Variants in MUC4 observed in about 807,000 individuals in gnomAD.
MUC4 encodes mucin 4, cell surface associated, also known as mucin-4.
Under a neutral mutation model 257.9 loss-of-function variants are expected in MUC4, and 202 were observed. That is an observed-to-expected ratio of 0.78 (90% CI 0.70 to 0.88). The LOEUF (loss-of-function observed/expected upper bound fraction) is 0.88, where lower values mean the gene tolerates loss of function less well. Among genes scored for constraint, MUC4 ranks in the 40% least tolerant of loss-of-function variants. The pLI is 0.00. For missense variants in MUC4, 5,976 were observed against 6,513.7 expected (o/e 0.92, Z 2.84); for synonymous variants, 2,351 against 2,757.1 (o/e 0.85, Z 4.62).
chr3:195,811,605 C>T, intron 1 of MUC4, 131 bp downstream of exon 1: 2 of 729,840 alleles, frequency 2.7e-6, no homozygotes, highest in Non-Finnish European at 4.5e-6. Flanking sequence ...CCTTCTCTTC[C>T]TCTTCGCTGT....
At chr3:195,809,394 C>T (rs1397996538) in intron 1 of MUC4, among the ~76,000 whole-genome samples, 1 of 152,186 alleles carries the variant, frequency 6.6e-6, no homozygotes, top group Non-Finnish European at 1.5e-5. Flanking sequence ...TGGCTGGCTG[C>T]CAGTCCTCCA....
At chr3:195,753,492 G>A in intron 19 of MUC4, 3 of 512,974 alleles carry the variant, frequency 5.8e-6, no homozygotes, top group Non-Finnish European at 3.4e-6. Context: ...GACCCCGAAG[G>A]CTGGCAGAGG....
At position 195,790,468 on chromosome 3, in the gene MUC4, G is replaced by C. The variant is rs764253111; in HGVS notation, c.1112C>G (p.Pro371Arg). 1 of 1,613,880 alleles carries C rather than the reference G, an allele frequency of 6.2e-7. No individual in the cohort carries two copies. The highest frequency in any genetic ancestry group is 2.2e-5 in the East Asian group (1 of 44,900). ...PSGTVSQETF[P>R]SGETTTSSPS... is the part of the protein sequence containing the mutation. The stretch of plus-strand genomic sequence containing the variant: ...GGATGAGGTGGTTGTTTCACCAGAA[G>C]GGAATGTCTCCTGAGAAACTGTTCC... Residue 371 changes from proline to arginine, a missense_variant, in exon 2 of 25, where the codon CCT (proline) becomes CGT (arginine). Pro to Arg is a moderately radical substitution (Grantham distance 103). Transcript: ENST00000463781.
chr3:195,755,203 T>C lies in MUC4; in HGVS notation c.15169-831A>G, dbSNP rs1171404510. Among the ~76,000 whole-genome samples, 3 of 144,130 alleles carry C rather than the reference T, an allele frequency of 2.1e-5. No individual in the cohort carries two copies. The highest frequency in any genetic ancestry group is 7.6e-5 in the African/African-American group (3 of 39,480). The allele number at this position is 144,130 out of a possible 152,430, so 94.6% of individuals were successfully genotyped here. A position where few individuals can be genotyped will look rare whatever the true frequency, so the allele number is the denominator to read the frequency against. ...ACTAATTTTTGTATTTTTCTTCTGC[T>C]TTTTTTTTTAATGAGACAGTCTCGT... On this transcript the variant is annotated intron_variant, in intron 18 of 24. Coordinates refer to ENST00000463781, the MANE Select transcript of MUC4 (RefSeq NM_018406.7). The surrounding 1 kb of genome is among the most constrained non-coding windows in gnomAD (Gnocchi z 5.0).
rs1490032144 is a variant in MUC4, at chr3:195,762,980, C to T, written c.14254-35G>A. The T allele has an allele frequency of 8.8e-6, 13 of 1,480,974 alleles. No homozygotes were observed. The Admixed American group carries it at 9.9e-5, about 11-fold the overall frequency. The allele number at this position is 1,480,974 out of a possible 1,614,324, so 91.7% of individuals were successfully genotyped here. A position where few individuals can be genotyped will look rare whatever the true frequency, so the allele number is the denominator to read the frequency against. The stretch of plus-strand genomic sequence containing the variant: ...GATGGGAGGGGGCCTGAGCCCGACC[C>T]GCAGGTGGAGCCGACGCCCAGGAAA... On this transcript the variant is annotated intron_variant, in intron 12 of 24. Coordinates refer to ENST00000463781, the MANE Select transcript of MUC4 (RefSeq NM_018406.7).
At chr3:195,775,940 C>A (rs1724544496) in intron 3 of MUC4, among the ~76,000 whole-genome samples, 3 of 86,870 alleles carry the variant, frequency 3.5e-5, no homozygotes, top group East Asian at 4.7e-4. Flanking sequence ...CACAGTCATA[C>A]CTTCCACACC....
rs1717087517 is a variant in MUC4 at position 195,754,343 on chromosome 3, G to T, written c.15198C>A (p.Thr5066=). The change falls in exon 19 of 25, where the codon ACC becomes ACA. Residue 5066 remains threonine, a synonymous_variant. Transcript: ENST00000463781. ...EVAGCKCDGG[T]FGRYCEGSED... is the part of the protein sequence containing the mutation. Reference sequence around the variant, plus strand: ...CGGAGCCCTCGCAGTAGCGGCCGAAGGTGCCCCCGTCACACTTGCAGCCAG... The same window carrying T: ...CGGAGCCCTCGCAGTAGCGGCCGAATGTGCCCCCGTCACACTTGCAGCCAG... 1 of 1,611,296 alleles carries T rather than the reference G, an allele frequency of 6.2e-7. No individual in the cohort carries two copies. The highest frequency in any genetic ancestry group is 2.2e-5 in the East Asian group (1 of 44,828).
Position 195,769,043 on chromosome 3 carries a change from G to C in MUC4, c.13508C>G (p.Pro4503Arg), listed in dbSNP as rs755047104. 12 of 1,613,806 alleles carry C rather than the reference G, an allele frequency of 7.4e-6. No homozygotes were observed. Among genetic ancestry groups the C allele is most frequent in the Non-Finnish European group, 6.8e-6 (8 of 1,179,838 alleles). ...QWDVAQRSGN[P>R]VLMGFSSGDG... Reference sequence around the variant, plus strand: ...CTACCTAGAGAAGCCCATGAGCACCGGGTTGCCTGAGCGCTGGGCCACGTC... The same window carrying C: ...CTACCTAGAGAAGCCCATGAGCACCCGGTTGCCTGAGCGCTGGGCCACGTC... Residue 4503 changes from proline (P) to arginine (R), a missense_variant, in exon 7 of 25, where the codon CCG (proline) becomes CGG (arginine). This residue lies in a region of MUC4 where 996 missense variants were observed against 1,137.3 expected (regional missense o/e 0.88). Coordinates refer to ENST00000463781, the MANE Select transcript of MUC4 (RefSeq NM_018406.7).
intron 14 of MUC4, among the ~76,000 whole-genome samples, 175 bp downstream of exon 14, chr3:195,761,912 C>G (rs990971322): frequency 2.0e-5 from 3 of 152,158 alleles, no homozygotes; most frequent in African/African-American, 7.2e-5. Context: ...AGGAAGGGAG[C>G]CTCGGGGGAG....
In MUC4 at chr3:195,778,799, C is replaced by T. The variant is rs368154560; in HGVS notation, c.12781G>A (p.Glu4261Lys). ...GGCAGTTGGCAGCTACCTGGTGTTT[C>T]CATCTTCAGAGGGGAGTCCGAGGAT... ...TVSSDSPLKM[E>K]TPGMTTPSLK... The change falls in exon 2 of 25, where the codon GAA becomes AAA. Residue 4261 changes from glutamate (E) to lysine (K), a missense_variant. Around this residue, in one of 44 missense-constraint regions of MUC4, gnomAD observed 233 missense variants for 171.2 expected, o/e 1.36. Transcript: ENST00000463781. 1 of 1,609,894 alleles carries T rather than the reference C, an allele frequency of 6.2e-7. No individual in the cohort carries two copies. Among genetic ancestry groups the T allele is most frequent in the African/African-American group, 1.3e-5 (1 of 75,026 alleles).
intron 5 of MUC4, chr3:195,770,655 G>A: frequency 1.9e-6 from 1 of 519,058 alleles, no homozygotes; most frequent in Non-Finnish European, 3.5e-6. Context: ...CCAGAGAGCA[G>A]AGCCACTCGG....
chr3:195,804,530 T>C (rs568094199), intron 1 of MUC4, among the ~76,000 whole-genome samples: 1 of 152,246 alleles, frequency 6.6e-6, no homozygotes, highest in Non-Finnish European at 1.5e-5. Flanking sequence ...TCCTAGCATC[T>C]GGTCTGTTTG....
At chr3:195,775,290 C>A (rs913349913) in intron 3 of MUC4, among the ~76,000 whole-genome samples, 1 of 150,074 alleles carries the variant, frequency 6.7e-6, no homozygotes, top group Non-Finnish European at 1.5e-5. Context: ...TTTTTGCTAC[C>A]CTTCTTCTCA....
chr3:195,801,117 TA>T (rs1235000911), intron 1 of MUC4, among the ~76,000 whole-genome samples: 1 of 152,200 alleles, frequency 6.6e-6, no homozygotes, highest in African/African-American at 2.4e-5. Flanking sequence ...AGTTTTATTC[TA>T]AAAAATACTC....
chr3:195,773,546 CCTCT>C (rs765099994), intron 4 of MUC4, among the ~76,000 whole-genome samples: 32 of 131,288 alleles, frequency 2.4e-4, no homozygotes, highest in Non-Finnish European at 4.0e-4. Context: ...GTGTGGACAC[CCTCT>C]CTCTATCGCT....
chr3:195,788,053 G>A lies in MUC4; in HGVS notation c.3527C>T (p.Ser1176Leu). 1 of 1,484,502 alleles carries A rather than the reference G, an allele frequency of 6.7e-7. No individual in the cohort carries two copies. Among genetic ancestry groups the A allele is most frequent in the Non-Finnish European group, 9.0e-7 (1 of 1,112,748 alleles). The allele number at this position is 1,484,502 out of a possible 1,614,324, so 92.0% of individuals were successfully genotyped here. A position where few individuals can be genotyped will look rare whatever the true frequency, so the allele number is the denominator to read the frequency against. ...AGGCGTGGTGTCACCTGTGGATACT[G>A]AGGAAAGGCTGGTGACAGGAAGAGG... ...ATPLPVTSLS[S>L]VSTGDTTPLP... Residue 1176 changes from serine (S) to leucine (L), a missense_variant, in exon 2 of 25, where the codon TCA becomes TTA. Around this residue, in one of 44 missense-constraint regions of MUC4, gnomAD observed 90 missense variants for 106.2 expected, o/e 0.85. Transcript: ENST00000463781.
At chr3:195,759,060 AT>A in intron 17 of MUC4, 63 bp downstream of exon 17, 1 of 1,583,670 alleles carries the variant, frequency 6.3e-7, no homozygotes. Flanking sequence ...AATTTCCCAA[AT>A]TTGACTCTGA....
rs1372078734 is a variant in MUC4, at chr3:195,754,381, G to T, written c.15169-9C>A. 6.2e-7 allele frequency: 1 copy of T among 1,600,738 alleles called. No individual in the cohort carries two copies. Among genetic ancestry groups the T allele is most frequent in the African/African-American group, 1.3e-5 (1 of 74,590 alleles). On this transcript the variant is annotated splice_polypyrimidine_tract_variant and intron_variant, in intron 18 of 24. Transcript: ENST00000463781. Reference sequence around the variant, plus strand: ...CACTTGCAGCCAGCCACCTGGAGGAGGGTTGCCGATCACGGGCGGCCAGGA... The same window carrying T: ...CACTTGCAGCCAGCCACCTGGAGGATGGTTGCCGATCACGGGCGGCCAGGA...
chr3:195,750,575 T>G, intron 23 of MUC4: 2 of 464,508 alleles, frequency 4.3e-6, no homozygotes, highest in Non-Finnish European at 3.9e-6. Flanking sequence ...CTGTGTATGC[T>G]TAAGTGCAAT....
Sources: allele counts gnomAD v4.1 joint callset (sites outside exome capture counted in the v4.1 genomes callset), GRCh38; gene constraint gnomAD v4.1.1; regional missense constraint gnomAD v4.1.1; non-coding constraint Gnocchi (gnomAD v3.1); transcripts MANE v1.5; gene names NCBI Gene and HGNC (gene_info 2026-07-23, HGNC 2026-07-21).